The following GRIA1 variants were observed in gnomAD, a reference collection of about 807,000 sequenced individuals.
GRIA1 encodes the protein glutamate ionotropic receptor AMPA type subunit 1.
GRIA1 carries 31 observed loss-of-function variants against 99.2 expected under a neutral mutation model. That is an observed-to-expected ratio of 0.31 (90% CI 0.23 to 0.42). The LOEUF is 0.42. GRIA1 is among the 10% of genes least tolerant of loss of function. The pLI, the probability that GRIA1 is intolerant of heterozygous loss-of-function variation, is 1.00. For synonymous variants in GRIA1, 438 were observed against 432.4 expected (o/e 1.01, Z -0.16); for missense variants, 782 against 1,157.5 (o/e 0.68, Z 4.71).
rs549507765 is a variant in GRIA1, at chr5:153,496,549, G to T, written c.220+2484G>T. On this transcript the variant is annotated intron_variant, in intron 2 of 15. Transcript: ENST00000285900. ...TTTCTTTAGCTCCCAGATCCCAAAG[G>T]GGGTACTGGGCAAGTTAGGTGGAAA... Among the ~76,000 whole-genome samples, 155 of 152,258 alleles carry T rather than the reference G, an allele frequency of 1.0e-3. 1 individual carries two copies. Among genetic ancestry groups the T allele is most frequent in the African/African-American group, 3.5e-3 (147 of 41,550 alleles).
intron 2 of GRIA1, among the ~76,000 whole-genome samples, chr5:153,578,034 C>G (rs116604068): frequency 0.046 from 6,919 of 150,302 alleles, 224 homozygotes; most frequent in Non-Finnish European, 0.071. Context: ...GCCTGTAATT[C>G]TAGCTACTCG....
chr5:153,782,202 A>G (rs1447477213), intron 13 of GRIA1, among the ~76,000 whole-genome samples: 3 of 152,236 alleles, frequency 2.0e-5, no homozygotes, highest in South Asian at 2.1e-4. Flanking sequence ...ATCTCATTTT[A>G]CAGATAATGA....
intron 2 of GRIA1, among the ~76,000 whole-genome samples, chr5:153,566,392 C>T (rs372401544): frequency 5.0e-5 from 7 of 139,638 alleles, no homozygotes; most frequent in Non-Finnish European, 7.6e-5. Flanking sequence ...CTGCAACCTC[C>T]GCCTCCTGGG....
At chr5:153,756,997 G>A (rs899713396) in intron 11 of GRIA1, among the ~76,000 whole-genome samples, 1 of 152,134 alleles carries the variant, frequency 6.6e-6, no homozygotes, top group African/African-American at 2.4e-5. Flanking sequence ...CTAAAGAGAT[G>A]GAAATATATG....
At chr5:153,721,547 C>G (rs1157301968) in intron 11 of GRIA1, among the ~76,000 whole-genome samples, 2 of 152,074 alleles carry the variant, frequency 1.3e-5, no homozygotes, top group Non-Finnish European at 2.9e-5. Flanking sequence ...GTAGCCGCTC[C>G]CCTGATTTCT....
rs536639585 is a variant in GRIA1, at chr5:153,705,965, G to A, written c.1721G>A (p.Arg574Gln). The A allele has an allele frequency of 6.2e-6, 10 of 1,613,950 alleles. No homozygotes were observed. The highest frequency in any genetic ancestry group is 2.2e-5 in the East Asian group (1 of 44,868). The stretch of plus-strand genomic sequence containing the variant: ...CACAGTGAAGAGTTTGAGGAAGGAC[G>A]GGACCAGACAACCAGTGACCAGTCC... The part of the protein sequence containing the change: ...EWHSEEFEEG[R>Q]DQTTSDQSNE... The change falls in exon 11 of 16, where the codon CGG (arginine) becomes CAG (glutamine). Residue 574 changes from arginine (R) to glutamine (Q), a missense_variant. By Grantham distance (43) the Arg-to-Gln change is conservative. Around this residue, in one of 5 missense-constraint regions of GRIA1, gnomAD observed 39 missense variants for 43.5 expected, o/e 0.90. Transcript: ENST00000285900.
chr5:153,531,868 T>C (rs1018400535), intron 2 of GRIA1, among the ~76,000 whole-genome samples: 2 of 152,190 alleles, frequency 1.3e-5, no homozygotes, highest in Non-Finnish European at 2.9e-5. Flanking sequence ...TATTTCCACT[T>C]CCAGTCACAG....
intron 7 of GRIA1, among the ~76,000 whole-genome samples, chr5:153,682,581 T>C (rs970842858): frequency 2.0e-5 from 3 of 152,126 alleles, no homozygotes; most frequent in East Asian, 1.9e-4. Context: ...ATCATCCTCG[T>C]CCATCTTCAG....
At chr5:153,729,379 TATA>T (rs1489037421) in intron 11 of GRIA1, among the ~76,000 whole-genome samples, 1 of 151,816 alleles carries the variant, frequency 6.6e-6, no homozygotes, top group African/African-American at 2.4e-5. Context: ...AAACTTAAAG[TATA>T]ATAATAATAA....
rs901368667 is a variant in GRIA1 at position 153,527,019 on chromosome 5, T to C, written c.220+32954T>C. Among the ~76,000 whole-genome samples the C allele has an allele frequency of 3.9e-5, 6 of 152,342 alleles. No individual in the cohort carries two copies. In the East Asian group the frequency reaches 7.7e-4, roughly 20 times the overall value. On this transcript the variant is annotated intron_variant, in intron 2 of 15. Transcript: ENST00000285900. ...TGGGTGCTCAGGGTTGTTTGTTTCA[T>C]TCATTTAAATTATTTCCAGTATCCC...
chr5:153,599,509 T>C (rs1297533764), intron 2 of GRIA1, among the ~76,000 whole-genome samples: 1 of 152,234 alleles, frequency 6.6e-6, no homozygotes, highest in Admixed American at 6.5e-5. Context: ...GCACATAACC[T>C]AGGCACATCC....
intron 8 of GRIA1, among the ~76,000 whole-genome samples, chr5:153,690,859 ATC>A (rs1757695121): frequency 6.6e-6 from 1 of 152,168 alleles, no homozygotes; most frequent in Non-Finnish European, 1.5e-5. Context: ...AATTCCTCAC[ATC>A]TGTGGCTTCA....
chr5:153,742,428 G>C (rs1761873238), intron 11 of GRIA1, among the ~76,000 whole-genome samples: 2 of 152,150 alleles, frequency 1.3e-5, no homozygotes, highest in South Asian at 4.2e-4. Context: ...AAATCTTACA[G>C]CGGCTTAAAA....
intron 11 of GRIA1, among the ~76,000 whole-genome samples, chr5:153,747,123 G>A (rs568394362): frequency 6.6e-6 from 1 of 152,314 alleles, no homozygotes; most frequent in East Asian, 1.9e-4. Flanking sequence ...CTAAAGAAAA[G>A]AGGTTTATTT....
chr5:153,523,010 C>T (rs1161722760), intron 2 of GRIA1, among the ~76,000 whole-genome samples: 1 of 133,588 alleles, frequency 7.5e-6, no homozygotes, highest in Non-Finnish European at 1.6e-5. Flanking sequence ...TTCTCTTGTT[C>T]CTGATATCTC....
chr5:153,683,945 A>C (rs888078921), intron 7 of GRIA1, among the ~76,000 whole-genome samples: 1 of 152,200 alleles, frequency 6.6e-6, no homozygotes, highest in African/African-American at 2.4e-5. Flanking sequence ...CAATAGCAGA[A>C]AGCAGGTAGA....
chr5:153,531,711 G>A (rs1161642480), intron 2 of GRIA1, among the ~76,000 whole-genome samples: 2 of 152,194 alleles, frequency 1.3e-5, no homozygotes, highest in African/African-American at 4.8e-5. Flanking sequence ...AGTAGTCATG[G>A]TGTTTTGCAA....
intron 13 of GRIA1, among the ~76,000 whole-genome samples, chr5:153,776,880 T>C (rs1161451095): frequency 6.6e-6 from 1 of 152,220 alleles, no homozygotes; most frequent in Non-Finnish European, 1.5e-5. Context: ...GTATCTTCCA[T>C]GAAGTCCAGT....
intron 11 of GRIA1, among the ~76,000 whole-genome samples, chr5:153,761,554 A>G (rs537588960): frequency 1.3e-5 from 2 of 152,294 alleles, no homozygotes; most frequent in South Asian, 4.1e-4. Context: ...GGGAACTCTT[A>G]TATGCCGCTG....
Sources: gnomAD v4.1 joint callset for allele counts (sites outside exome capture counted in the v4.1 genomes callset) on GRCh38, gnomAD v4.1.1 for gene constraint, gnomAD v4.1.1 regional missense constraint, MANE v1.5 for transcripts, NCBI Gene and HGNC (gene_info 2026-07-23, HGNC 2026-07-21) for gene names.